CSGALNACT1: variants seen among roughly 807,000 people sequenced by gnomAD.
The protein encoded by CSGALNACT1 is beta4GalNAcT-1.
CSGALNACT1 carries 52 observed loss-of-function variants against 51.0 expected under a neutral mutation model. That is an observed-to-expected ratio of 1.02 (90% confidence interval 0.82 to 1.29). The LOEUF (loss-of-function observed/expected upper bound fraction) is 1.29. CSGALNACT1 is among the 50% of genes most tolerant of loss of function. CSGALNACT1 has a pLI of 0.00. For missense variants in CSGALNACT1, 935 were observed against 679.2 expected (o/e 1.38, Z -4.19); for synonymous variants, 341 against 254.4 (o/e 1.34, Z -3.24).
At chr8:19,522,843 C>A (rs1451282191) in intron 3 of CSGALNACT1, among the ~76,000 whole-genome samples, 1 of 151,530 alleles carries the variant, frequency 6.6e-6, no homozygotes, top group Non-Finnish European at 1.5e-5. Flanking sequence ...TCCCAAGGCT[C>A]AAAAAAAAAT....
chr8:19,666,827 G>GGA (rs2059259358), intron 1 of CSGALNACT1, among the ~76,000 whole-genome samples: 1 of 39,964 alleles, frequency 2.5e-5, no homozygotes, highest in East Asian at 4.7e-4. Flanking sequence ...GAGAGAGAGA[G>GGA]AGAGAGAAAG....
chr8:19,506,669 G>T (rs2077393162), intron 3 of CSGALNACT1, among the ~76,000 whole-genome samples: 1 of 152,166 alleles, frequency 6.6e-6, no homozygotes, highest in African/African-American at 2.4e-5. Flanking sequence ...TTGCTGGAGT[G>T]AGTTGGCACT....
intron 5 of CSGALNACT1, among the ~76,000 whole-genome samples, chr8:19,452,880 C>CT (rs2063445124): frequency 1.3e-5 from 2 of 152,314 alleles, no homozygotes; most frequent in African/African-American, 2.4e-5. Flanking sequence ...CACAAAGCCC[C>CT]TGGGGGTTCT....
At chr8:19,598,090 G>A (rs1430754565) in intron 2 of CSGALNACT1, among the ~76,000 whole-genome samples, 1 of 152,192 alleles carries the variant, frequency 6.6e-6, no homozygotes, top group Non-Finnish European at 1.5e-5. Flanking sequence ...TGGGACAGCA[G>A]AATAAGACAT....
chr8:19,517,152 A>G (rs1489656601), intron 3 of CSGALNACT1, among the ~76,000 whole-genome samples: 1 of 152,188 alleles, frequency 6.6e-6, no homozygotes, highest in African/African-American at 2.4e-5. Context: ...AAGAAGAAAA[A>G]GAGGGCCAGG....
At chr8:19,588,191 G>A (rs1049815251) in intron 3 of CSGALNACT1, among the ~76,000 whole-genome samples, 1 of 151,106 alleles carries the variant, frequency 6.6e-6, no homozygotes, top group Admixed American at 6.6e-5. Context: ...ATGAAACCCT[G>A]TCCCCCATCC....
At chr8:19,591,308 T>C (rs1242883485) in intron 2 of CSGALNACT1, 1 of 152,190 alleles carries the variant, frequency 6.6e-6, no homozygotes, top group Non-Finnish European at 1.5e-5. Flanking sequence ...AGGGAAGAAT[T>C]ACTTAAATAC....
intron 6 of CSGALNACT1, among the ~76,000 whole-genome samples, chr8:19,426,453 A>G (rs968117229): frequency 6.6e-6 from 1 of 152,226 alleles, no homozygotes; most frequent in Admixed American, 6.5e-5. Context: ...ACAAAGAAAT[A>G]CAATGTTTAG....
chr8:19,716,835 T>A (rs139758920), intron 1 of CSGALNACT1, among the ~76,000 whole-genome samples: 19 of 152,132 alleles, frequency 1.2e-4, no homozygotes, highest in African/African-American at 4.3e-4. Context: ...TTCTTATACT[T>A]CCTTCAACCT....
chr8:19,531,970 G>A (rs2082859556), intron 3 of CSGALNACT1: 1 of 151,998 alleles, frequency 6.6e-6, no homozygotes, highest in African/African-American at 2.4e-5. Context: ...GAGGAGCCTG[G>A]CCCTTCTGAA....
chr8:19,451,082 A>G (rs2063109000), intron 5 of CSGALNACT1, among the ~76,000 whole-genome samples: 3 of 152,180 alleles, frequency 2.0e-5, no homozygotes, highest in Admixed American at 1.3e-4. Flanking sequence ...CTTTAGCATC[A>G]TGATTTCTTG....
At chr8:19,493,082 T>C (rs1203341627) in intron 4 of CSGALNACT1, among the ~76,000 whole-genome samples, 2 of 150,314 alleles carry the variant, frequency 1.3e-5, no homozygotes, top group African/African-American at 4.9e-5. Flanking sequence ...CATCTGTAAA[T>C]ATGTTTGCAA....
At chr8:19,713,929 C>T (rs17090976) in intron 1 of CSGALNACT1, among the ~76,000 whole-genome samples, 1,589 of 152,280 alleles carry the variant, frequency 0.01, 25 homozygotes, top group African/African-American at 0.037. Context: ...CCACAGAACA[C>T]GTTTAGGAAA....
chr8:19,483,661 T>C (rs2072078198), intron 4 of CSGALNACT1, among the ~76,000 whole-genome samples: 1 of 152,224 alleles, frequency 6.6e-6, no homozygotes, highest in Non-Finnish European at 1.5e-5. Flanking sequence ...ACAACAATTA[T>C]GTAATCTCTG....
rs187538519 is a variant in CSGALNACT1 at position 19,615,253 on chromosome 8, G to A, written c.-543-13388C>T. Among the ~76,000 whole-genome samples, 64 of 152,218 alleles carry A rather than the reference G, an allele frequency of 4.2e-4. No individual in the cohort carries two copies. In the Middle Eastern group the frequency reaches 0.017, roughly 40 times the overall value. The stretch of plus-strand genomic sequence containing the variant: ...GGGAGGCAGAGGTTGCAGTGAGCCC[G>A]GATTGTGCCACTGTACTCCAGCCTG... On this transcript the variant is annotated intron_variant, in intron 1 of 9. Coordinates refer to the CSGALNACT1 transcript ENST00000332246.
chr8:19,565,407 A>G (rs1013830979), intron 3 of CSGALNACT1, among the ~76,000 whole-genome samples: 3 of 152,210 alleles, frequency 2.0e-5, no homozygotes, highest in Admixed American at 6.5e-5. Flanking sequence ...AAAGTCCTCA[A>G]CTATCATGTA....
At chr8:19,684,638 C>T (rs759382031), upstream of CSGALNACT1, among the ~76,000 whole-genome samples, 71 of 152,184 alleles carry the variant, frequency 4.7e-4, no homozygotes, top group Non-Finnish European at 9.4e-4. Context: ...CCCACTCCTC[C>T]TGGGAGGCCA....
At chr8:19,661,406 C>T (rs144480291) in intron 1 of CSGALNACT1, among the ~76,000 whole-genome samples, 38 of 152,178 alleles carry the variant, frequency 2.5e-4, no homozygotes, top group African/African-American at 8.2e-4. Context: ...ATGGCACTGA[C>T]GAAAGGGATT....
At chr8:19,635,433 C>T (rs1261030930) in intron 1 of CSGALNACT1, among the ~76,000 whole-genome samples, 1 of 152,200 alleles carries the variant, frequency 6.6e-6, no homozygotes, top group Non-Finnish European at 1.5e-5. Flanking sequence ...TGATCTAGGC[C>T]TGTTGCCCTA....
Sources: allele counts gnomAD v4.1 joint callset (sites outside exome capture counted in the v4.1 genomes callset), GRCh38; gene constraint gnomAD v4.1.1; transcripts MANE v1.5; gene names NCBI Gene and HGNC (gene_info 2026-07-23, HGNC 2026-07-21).